PDE4D: variants seen among roughly 807,000 people sequenced by gnomAD.
PDE4D encodes the protein phosphodiesterase 4D, also known as 3',5'-cyclic-AMP phosphodiesterase 4D.
In PDE4D, 24 loss-of-function variants were observed where a neutral mutation model predicts 87.4. The ratio of observed to expected loss-of-function variants is 0.27; its 90% confidence interval spans 0.20 to 0.39. PDE4D has a LOEUF of 0.39. Among genes scored for constraint, PDE4D ranks in the 10% least tolerant of loss-of-function variants. The probability of loss-of-function intolerance (pLI) is 1.00; values close to 1 mark genes in which losing one functional copy is unlikely to be tolerated. For missense variants in PDE4D, 714 were observed against 1,041.0 expected (o/e 0.69, Z 4.32); for synonymous variants, 384 against 383.2 (o/e 1.00, Z -0.02).
chr5:59,807,436 G>C (rs890242132), intron 1 of PDE4D, among the ~76,000 whole-genome samples: 2 of 152,148 alleles, frequency 1.3e-5, no homozygotes, highest in Non-Finnish European at 2.9e-5. Context: ...CCTGGGGGTG[G>C]CTACATATGT....
intron 5 of PDE4D, among the ~76,000 whole-genome samples, chr5:59,123,071 A>G (rs1171583465): frequency 2.6e-5 from 4 of 150,976 alleles, no homozygotes; most frequent in African/African-American, 7.3e-5. Context: ...CAGTCTGTCA[A>G]TTTTCCAGAT....
At chr5:59,081,063 G>A (rs768905878) in intron 5 of PDE4D, among the ~76,000 whole-genome samples, 15 of 152,148 alleles carry the variant, frequency 9.9e-5, no homozygotes, top group Admixed American at 6.5e-4. Context: ...TGATTATCAT[G>A]ATTGGAAATG....
chr5:59,131,650 A>T (rs973781768), intron 5 of PDE4D, among the ~76,000 whole-genome samples: 1 of 144,932 alleles, frequency 6.9e-6, no homozygotes. Context: ...ACACACATTA[A>T]TGAGAGATTT....
intron 1 of PDE4D, among the ~76,000 whole-genome samples, chr5:59,590,007 CTG>C (rs971817688): frequency 5.3e-5 from 8 of 151,980 alleles, no homozygotes; most frequent in African/African-American, 1.9e-4. Context: ...AAAGAAAAAA[CTG>C]TAATTTATTT....
intron 6 of PDE4D, among the ~76,000 whole-genome samples, chr5:59,016,442 G>A (rs3087748): frequency 0.065 from 8,974 of 138,146 alleles, 390 homozygotes; most frequent in Non-Finnish European, 0.093. Context: ...GCTGCCTCAC[G>A]GTCAGTATCG....
chr5:59,452,622 C>T (rs1007073664), intron 1 of PDE4D, among the ~76,000 whole-genome samples: 6 of 152,130 alleles, frequency 3.9e-5, no homozygotes, highest in Non-Finnish European at 8.8e-5. Context: ...TTCTGCCTCT[C>T]CCCAAATGTC....
intron 1 of PDE4D, among the ~76,000 whole-genome samples, chr5:59,588,145 T>C (rs1055024075): frequency 3.9e-5 from 6 of 152,140 alleles, no homozygotes; most frequent in African/African-American, 1.4e-4. Flanking sequence ...CAATTGCGCA[T>C]GCCATAAAAC....
At chr5:60,288,379 T>C (rs1159212281) in intron 1 of PDE4D, among the ~76,000 whole-genome samples, 1 of 152,192 alleles carries the variant, frequency 6.6e-6, no homozygotes, top group Non-Finnish European at 1.5e-5. Context: ...CTAATTTAGG[T>C]TTCTAAATTC....
intron 1 of PDE4D, among the ~76,000 whole-genome samples, chr5:60,461,225 A>C (rs1746912984): frequency 6.6e-6 from 1 of 152,184 alleles, no homozygotes; most frequent in Admixed American, 6.5e-5. Context: ...GAGGAGGAAA[A>C]TCAGGCCTCC....
At chr5:59,998,181 T>C (rs1241434181) in intron 2 of PDE4D, among the ~76,000 whole-genome samples, 1 of 152,126 alleles carries the variant, frequency 6.6e-6, no homozygotes, top group Non-Finnish European at 1.5e-5. Flanking sequence ...TGTTCATAGT[T>C]TTAGCCCAAA....
chr5:59,515,537 C>A (rs1394340957), intron 1 of PDE4D, among the ~76,000 whole-genome samples: 1 of 152,028 alleles, frequency 6.6e-6, no homozygotes, highest in Non-Finnish European at 1.5e-5. Flanking sequence ...CGATTGTCTA[C>A]AAAGAATACC....
chr5:60,104,140 T>C (rs1262194480), intron 2 of PDE4D, among the ~76,000 whole-genome samples: 1 of 152,046 alleles, frequency 6.6e-6, no homozygotes, highest in Non-Finnish European at 1.5e-5. Context: ...ACCTGGAAAA[T>C]CAGGTCACTC....
intron 1 of PDE4D, among the ~76,000 whole-genome samples, chr5:59,230,215 C>A (rs1754857062): frequency 6.6e-6 from 1 of 152,034 alleles, no homozygotes; most frequent in Non-Finnish European, 1.5e-5. Context: ...ATTTTCAAAG[C>A]TTACTCATAA....
intron 5 of PDE4D, among the ~76,000 whole-genome samples, chr5:59,175,471 CTTTTTTTTTT>C (rs563138575): frequency 1.1e-5 from 1 of 91,208 alleles, no homozygotes; most frequent in Non-Finnish European, 2.1e-5. Flanking sequence ...ATTTTTCTTT[CTTTTTTTTTT>C]TTTTTTTTTT....
intron 2 of PDE4D, among the ~76,000 whole-genome samples, chr5:60,153,878 C>T (rs925140934): frequency 6.6e-6 from 1 of 152,154 alleles, no homozygotes; most frequent in East Asian, 1.9e-4. Flanking sequence ...TGAGGGATTG[C>T]TGTTAGATAA....
At chr5:59,039,501 C>A (rs1337319953) in intron 5 of PDE4D, 16 of 985,708 alleles carry the variant, frequency 1.6e-5, no homozygotes, top group Non-Finnish European at 1.8e-5. Flanking sequence ...CGGCCGGGTG[C>A]GCGGCCACCA....
chr5:60,450,051 A>T (rs1175765913), intron 1 of PDE4D, among the ~76,000 whole-genome samples: 2 of 102,106 alleles, frequency 2.0e-5, no homozygotes, highest in African/African-American at 5.5e-5. Flanking sequence ...TTTTTTCAGT[A>T]AAAAAAAAAA....
At chr5:59,097,121 A>G (rs1019845770) in intron 5 of PDE4D, among the ~76,000 whole-genome samples, 11 of 152,240 alleles carry the variant, frequency 7.2e-5, no homozygotes, top group African/African-American at 2.4e-4. Flanking sequence ...GAAAGTTTAT[A>G]TGGAATTGGC....
intron 1 of PDE4D, among the ~76,000 whole-genome samples, chr5:60,461,931 A>T (rs1746977803): frequency 6.6e-6 from 1 of 152,206 alleles, no homozygotes; most frequent in East Asian, 1.9e-4. Context: ...TTCTTAACCC[A>T]AACACTTCAG....
Sources: gnomAD v4.1 joint callset for allele counts (sites outside exome capture counted in the v4.1 genomes callset) on GRCh38, gnomAD v4.1.1 for gene constraint, MANE v1.5 for transcripts, NCBI Gene and HGNC (gene_info 2026-07-23, HGNC 2026-07-21) for gene names.